ASH2L: variants seen among roughly 807,000 people sequenced by gnomAD.
The protein encoded by ASH2L is set1/Ash2 histone methyltransferase complex subunit ASH2.
In ASH2L, 30 loss-of-function variants were observed where a neutral mutation model predicts 81.1. That is an observed-to-expected ratio of 0.37 (90% confidence interval 0.28 to 0.50). The LOEUF (loss-of-function observed/expected upper bound fraction) is 0.50. Ranked by LOEUF, ASH2L falls within the 20% of genes least tolerant of loss-of-function variation. The probability of loss-of-function intolerance (pLI) is 0.95; values close to 1 mark genes in which losing one functional copy is unlikely to be tolerated. For synonymous variants in ASH2L, 273 were observed against 279.9 expected (o/e 0.98, Z 0.24); for missense variants, 559 against 792.1 (o/e 0.71, Z 3.53).
chr8:38,127,544 C>T (rs923197957), intron 10 of ASH2L, among the ~76,000 whole-genome samples: 1 of 151,666 alleles, frequency 6.6e-6, no homozygotes, highest in Non-Finnish European at 1.5e-5. Flanking sequence ...GTCAGGAATT[C>T]GAGACCAGCC....
At chr8:38,125,249 A>C (rs1563257757) in intron 10 of ASH2L, among the ~76,000 whole-genome samples, 2 of 152,124 alleles carry the variant, frequency 1.3e-5, no homozygotes, top group East Asian at 1.9e-4. Flanking sequence ...TTATCTGTTT[A>C]TTTCTTTTTC....
chr8:38,116,508 G>C, intron 7 of ASH2L, 142 bp from the exon 8 acceptor site: 2 of 679,324 alleles, frequency 2.9e-6, no homozygotes, highest in South Asian at 3.4e-5. Flanking sequence ...ACTACAGACT[G>C]GGCAATAGAG....
At chr8:38,124,381 TA>T (rs1435736504) in intron 10 of ASH2L, 1 of 151,980 alleles carries the variant, frequency 6.6e-6, no homozygotes. Flanking sequence ...AAATTTTAAT[TA>T]TTTTTTTAGG....
At chr8:38,117,812 C>T (rs145293699) in intron 8 of ASH2L, 13,814 of 152,188 alleles carry the variant, frequency 0.091, 792 homozygotes, top group Non-Finnish European at 0.12. Flanking sequence ...AATCCCAGCA[C>T]TTTGGGAGGC....
chr8:38,110,364 T>C lies in ASH2L; in HGVS notation c.402-15T>C, dbSNP rs1466143499. 6.3e-7 allele frequency: 1 copy of C among 1,598,698 alleles called. No individual in the cohort carries two copies. Among genetic ancestry groups the C allele is most frequent in the Admixed American group, 1.7e-5 (1 of 59,992 alleles). ...TCACAAGTTCACTAATTCGTATAAT[T>C]TGGCTCTTCGGCAGATCCTGTCTAC... is the stretch of plus-strand genomic sequence containing the variant. On this transcript the variant is annotated splice_polypyrimidine_tract_variant and intron_variant, in intron 3 of 15. Coordinates refer to ENST00000343823, the MANE Select transcript of ASH2L (RefSeq NM_004674.5).
rs1366988979 is a variant in ASH2L, at chr8:38,107,038, A to G, written c.273A>G (p.Thr91=). The change falls in exon 3 of 16, where the codon ACA becomes ACG. Residue 91 remains threonine (T), a synonymous_variant. Transcript: ENST00000343823. ...GKDTLEGAGD[T]SEVMDTQAGS... is the part of the protein sequence containing the mutation. ...TGACACAGGAAGGTGCTGGGGATAC[A>G]TCAGAGGTGATGGATACTCAGGCGG... The G allele has an allele frequency of 6.2e-7, 1 of 1,614,096 alleles. No individual in the cohort carries two copies. The highest frequency in any genetic ancestry group is 8.5e-7 in the Non-Finnish European group (1 of 1,179,958).
chr8:38,115,645 A>C (rs1810863296), intron 7 of ASH2L, among the ~76,000 whole-genome samples: 1 of 152,128 alleles, frequency 6.6e-6, no homozygotes, highest in African/African-American at 2.4e-5. Context: ...TCAAAAAAGA[A>C]AATGCAAGAT....
rs371335402 is a variant in ASH2L at position 38,139,131 on chromosome 8, T to G, written c.*60T>G. 149 of 1,300,018 alleles carry G rather than the reference T, an allele frequency of 1.1e-4. No individual in the cohort carries two copies. The African/African-American group carries it at 2.0e-3, about 17-fold the overall frequency. The allele number at this position is 1,300,018 out of a possible 1,614,324, so 80.5% of individuals were successfully genotyped here. A position where few individuals can be genotyped will look rare whatever the true frequency, so the allele number is the denominator to read the frequency against. On this transcript the variant is annotated 3_prime_UTR_variant, in exon 16 of 16. Coordinates refer to ENST00000343823, the MANE Select transcript of ASH2L (RefSeq NM_004674.5). ...AATAATACTGGGGGTTTTGTTTTTG[T>G]TTTTGAACTGTCTCAAATGTTCTCC...
intron 3 of ASH2L, among the ~76,000 whole-genome samples, chr8:38,108,555 C>T (rs559580903): frequency 3.3e-5 from 5 of 151,548 alleles, no homozygotes; most frequent in African/African-American, 4.9e-5. Context: ...CGCAGTGACT[C>T]ACGCCTGTAA....
chr8:38,133,532 A>G lies in ASH2L; in HGVS notation c.1606A>G (p.Thr536Ala), dbSNP rs1802142682. ...VDKAEKSLKQTPHSEIIFYKN... is the reference protein window; with the variant it reads ...VDKAEKSLKQAPHSEIIFYKN... ...TAAAGCAGAGAAGAGCCTGAAGCAG[A>G]CTCCCCATAGTGAGGTGAGTCATGG... The change falls in exon 13 of 16, where the codon ACT (threonine) becomes GCT (alanine). Residue 536 changes from threonine to alanine, a missense_variant. Thr to Ala is a moderately conservative substitution (Grantham distance 58). Around this residue, in one of 4 missense-constraint regions of ASH2L, gnomAD observed 95 missense variants for 130.7 expected, o/e 0.73. Coordinates refer to ENST00000343823, the MANE Select transcript of ASH2L (RefSeq NM_004674.5). 6.2e-7 allele frequency: 1 copy of G among 1,610,532 alleles called. No individual in the cohort carries two copies. The highest frequency in any genetic ancestry group is 8.5e-7 in the Non-Finnish European group (1 of 1,179,192).
At chr8:38,125,850 G>A (rs1249590514) in intron 10 of ASH2L, among the ~76,000 whole-genome samples, 1 of 152,140 alleles carries the variant, frequency 6.6e-6, no homozygotes, top group East Asian at 1.9e-4. Flanking sequence ...GCACTGAGGG[G>A]CACAACATTA....
At chr8:38,106,606 C>T (rs1260632438) in intron 2 of ASH2L, among the ~76,000 whole-genome samples, 162 bp downstream of exon 2, 2 of 150,760 alleles carry the variant, frequency 1.3e-5, no homozygotes, top group African/African-American at 4.9e-5. Context: ...CCCCCGGGTT[C>T]CAGCGATTCT....
In ASH2L at chr8:38,135,728, G is replaced by A. The variant is rs970850489; in HGVS notation, c.1681G>A (p.Val561Ile). The A allele has an allele frequency of 3.1e-6, 5 of 1,612,804 alleles. No homozygotes were observed. The highest frequency in any genetic ancestry group is 4.2e-6 in the Non-Finnish European group (5 of 1,179,526). The change falls in exon 14 of 16, where the codon GTT (valine) becomes ATT (isoleucine). Residue 561 changes from valine to isoleucine, a missense_variant. Physicochemically the swap from Val to Ile is conservative, Grantham distance 29. Coordinates refer to ENST00000343823, the MANE Select transcript of ASH2L (RefSeq NM_004674.5). ...GGCTTACAAAGATATTTTTGAGGGG[G>A]TTTACTTCCCAGCCATCTCACTGTA... The part of the protein sequence containing the change: ...GVAYKDIFEG[V>I]YFPAISLYKS...
intron 1 of ASH2L, 122 bp from the exon 2 acceptor site, chr8:38,106,256 G>C: frequency 1.5e-6 from 2 of 1,373,328 alleles, no homozygotes; most frequent in African/African-American, 1.4e-5. Context: ...TCTGAGATCA[G>C]GCTTAGCTGA....
chr8:38,109,201 TTAAAA>T (rs1219499165), intron 3 of ASH2L, among the ~76,000 whole-genome samples: 2 of 152,216 alleles, frequency 1.3e-5, no homozygotes, highest in African/African-American at 4.8e-5. Flanking sequence ...TGTATTTAAA[TTAAAA>T]TAACTATTTA....
intron 10 of ASH2L, 63 bp from the exon 11 acceptor site, chr8:38,128,227 GT>G: frequency 6.3e-7 from 1 of 1,579,666 alleles, no homozygotes; most frequent in African/African-American, 1.4e-5. Flanking sequence ...TAATGTTTTT[GT>G]GGCAATTGTC....
chr8:38,120,532 T>C (rs1175593155), intron 9 of ASH2L, among the ~76,000 whole-genome samples: 1 of 150,822 alleles, frequency 6.6e-6, no homozygotes, highest in African/African-American at 2.4e-5. Flanking sequence ...AGCAAGTGCT[T>C]ATGTCTCTGA....
chr8:38,110,354 T>C lies in ASH2L; in HGVS notation c.402-25T>C. ...GTGTGTGTGTTCACAAGTTCACTAATTCGTATAATTTGGCTCTTCGGCAGA... is the reference window on the plus strand; with the variant it reads ...GTGTGTGTGTTCACAAGTTCACTAACTCGTATAATTTGGCTCTTCGGCAGA... On this transcript the variant is annotated intron_variant, in intron 3 of 15. Coordinates refer to ENST00000343823, the MANE Select transcript of ASH2L (RefSeq NM_004674.5). 7 of 1,556,628 alleles carry C rather than the reference T, an allele frequency of 4.5e-6. 1 individual carries two copies. The South Asian group carries it at 5.6e-5, about 12-fold the overall frequency.
At chr8:38,112,803 T>TA (rs1810741252) in intron 5 of ASH2L, among the ~76,000 whole-genome samples, 1 of 152,184 alleles carries the variant, frequency 6.6e-6, no homozygotes, top group African/African-American at 2.4e-5. Flanking sequence ...CCCCATTGAT[T>TA]ATCCAACCCT....
Sources: allele counts gnomAD v4.1 joint callset (sites outside exome capture counted in the v4.1 genomes callset), GRCh38; gene constraint gnomAD v4.1.1; regional missense constraint gnomAD v4.1.1; transcripts MANE v1.5; gene names NCBI Gene and HGNC (gene_info 2026-07-23, HGNC 2026-07-21).